The following SPAG9 variants were observed in gnomAD, a reference collection of about 807,000 sequenced individuals.
SPAG9 encodes the protein sperm associated antigen 9.
Under a neutral mutation model 166.5 loss-of-function variants are expected in SPAG9, and 35 were observed. The ratio of observed to expected loss-of-function variants is 0.21; its 90% CI spans 0.16 to 0.28. The LOEUF (loss-of-function observed/expected upper bound fraction) is 0.28, where lower values mean the gene tolerates loss of function less well. Among genes scored for constraint, SPAG9 ranks in the 10% least tolerant of loss-of-function variants. SPAG9 has a pLI of 1.00. For synonymous variants in SPAG9, 534 were observed against 565.5 expected (o/e 0.94, Z 0.79); for missense variants, 1,235 against 1,603.3 (o/e 0.77, Z 3.92).
chr17:51,013,929 C>T (rs1018256094), intron 9 of SPAG9, among the ~76,000 whole-genome samples: 1 of 149,540 alleles, frequency 6.7e-6, no homozygotes, highest in Non-Finnish European at 1.5e-5. Flanking sequence ...TACACACACA[C>T]ACATCACCAT....
At chr17:51,081,984 T>C (rs1265162683) in intron 1 of SPAG9, among the ~76,000 whole-genome samples, 3 of 152,170 alleles carry the variant, frequency 2.0e-5, no homozygotes, top group Non-Finnish European at 2.9e-5. Context: ...AATTCTCTTC[T>C]TCCAGATATC....
intron 22 of SPAG9, 94 bp downstream of exon 22, chr17:50,987,018 C>A (rs1187713136): frequency 7.0e-6 from 9 of 1,281,574 alleles, no homozygotes; most frequent in Non-Finnish European, 9.7e-6. Context: ...TTAATCCACA[C>A]TTTTTGTATT....
At chr17:51,095,705 TATATAGTGATATATAC>T (rs767831815) in intron 1 of SPAG9, among the ~76,000 whole-genome samples, 4,932 of 147,918 alleles carry the variant, frequency 0.033, 116 homozygotes, top group Middle Eastern at 0.11. Context: ...TATAGTGATA[TATATAGTGATATATAC>T]ATATAGTGAT....
At chr17:51,083,938 A>G (rs1299705728) in intron 1 of SPAG9, among the ~76,000 whole-genome samples, 1 of 152,124 alleles carries the variant, frequency 6.6e-6, no homozygotes, top group Non-Finnish European at 1.5e-5. Context: ...TCTTCGCTAT[A>G]CTTTTCTATG....
intron 8 of SPAG9, chr17:51,014,562 GT>G: frequency 2.2e-6 from 1 of 453,884 alleles, no homozygotes; most frequent in East Asian, 3.5e-5. Context: ...ATTATAGAAT[GT>G]TTTTGTTGTG....
At chr17:51,094,786 A>G (rs1347748007) in intron 1 of SPAG9, among the ~76,000 whole-genome samples, 1 of 152,198 alleles carries the variant, frequency 6.6e-6, no homozygotes, top group African/African-American at 2.4e-5. Flanking sequence ...TAAACTCTGG[A>G]TTCCCCAAGT....
At chr17:51,037,697 T>TA (rs1419734411) in intron 5 of SPAG9, among the ~76,000 whole-genome samples, 5 of 100,796 alleles carry the variant, frequency 5.0e-5, no homozygotes, top group Non-Finnish European at 1.1e-4. Flanking sequence ...TGTGTGTGTG[T>TA]GTGTGTGTGT....
At chr17:51,065,874 G>A (rs1244751897) in intron 2 of SPAG9, among the ~76,000 whole-genome samples, 1 of 152,124 alleles carries the variant, frequency 6.6e-6, no homozygotes, top group East Asian at 1.9e-4. Flanking sequence ...AAACTTAGAA[G>A]CTATAAAGGG....
intron 5 of SPAG9, among the ~76,000 whole-genome samples, chr17:51,034,363 G>C (rs2046502502): frequency 6.6e-6 from 1 of 152,164 alleles, no homozygotes; most frequent in South Asian, 2.1e-4. Context: ...CAAAAAATGT[G>C]CCAGAGCTCC....
rs1975106514 is a variant in SPAG9, at chr17:50,987,146, A to G, written c.2905T>C (p.Leu969=). ...REEAQKMSSL[L]PTMWLGAQNG... is the part of the protein sequence containing the mutation. Reference sequence around the variant, plus strand: ...TGAGCTCCAAGCCACATAGTTGGTAAAAGACTACTCATTTTCTGGGCTTCT... The same window carrying G: ...TGAGCTCCAAGCCACATAGTTGGTAGAAGACTACTCATTTTCTGGGCTTCT... Residue 969 remains leucine, a synonymous_variant, in exon 22 of 30, where the codon TTA becomes CTA. Coordinates refer to ENST00000262013, the MANE Select transcript of SPAG9 (RefSeq NM_001130528.3). 1 of 1,613,320 alleles carries G rather than the reference A, an allele frequency of 6.2e-7. No individual in the cohort carries two copies. Among genetic ancestry groups the G allele is most frequent in the African/African-American group, 1.3e-5 (1 of 74,844 alleles).
At chr17:51,119,009 G>C (rs942696742) in intron 1 of SPAG9, among the ~76,000 whole-genome samples, 1 of 147,020 alleles carries the variant, frequency 6.8e-6, no homozygotes, top group African/African-American at 2.5e-5. Flanking sequence ...ACTTCACCCT[G>C]GGCGACAGAG....
intron 2 of SPAG9, among the ~76,000 whole-genome samples, chr17:51,060,790 T>C (rs2047488190): frequency 6.6e-6 from 1 of 151,780 alleles, no homozygotes; most frequent in African/African-American, 2.4e-5. Flanking sequence ...TATTTTGTTA[T>C]GGCGGCCCTA....
chr17:51,065,951 A>C (rs1598115482), intron 2 of SPAG9, among the ~76,000 whole-genome samples: 1 of 152,234 alleles, frequency 6.6e-6, no homozygotes, highest in African/African-American at 2.4e-5. Context: ...AACTTTACGT[A>C]AGCAAGAAAT....
chr17:51,024,051 T>C (rs1015153167), intron 6 of SPAG9, among the ~76,000 whole-genome samples: 8 of 152,148 alleles, frequency 5.3e-5, no homozygotes, highest in Non-Finnish European at 1.2e-4. Flanking sequence ...ATCCCGACAT[T>C]TTGGGAGGCC....
intron 1 of SPAG9, among the ~76,000 whole-genome samples, chr17:51,079,986 C>T (rs1042610769): frequency 1.2e-4 from 19 of 152,308 alleles, no homozygotes; most frequent in African/African-American, 4.6e-4. Flanking sequence ...TGTATACTTG[C>T]ATATGCATCT....
intron 4 of SPAG9, chr17:51,046,616 G>A (rs757637525): frequency 2.5e-5 from 39 of 1,535,992 alleles, no homozygotes; most frequent in Non-Finnish European, 3.2e-5. Flanking sequence ...CCACCGCCCC[G>A]CCAACAAAGC....
intron 13 of SPAG9, 93 bp downstream of exon 13, chr17:51,001,622 G>C (rs1323313910): frequency 4.8e-6 from 6 of 1,238,826 alleles, no homozygotes; most frequent in Non-Finnish European, 5.6e-6. Context: ...AAGGGGCTTG[G>C]ATCTTACAGG....
At chr17:51,004,417 C>T (rs1429012481) in intron 12 of SPAG9, among the ~76,000 whole-genome samples, 1 of 152,152 alleles carries the variant, frequency 6.6e-6, no homozygotes, top group African/African-American at 2.4e-5. Context: ...TTTGGTCTGA[C>T]CTTTGACCTG....
chr17:51,098,422 A>T (rs1012581527), intron 1 of SPAG9, among the ~76,000 whole-genome samples: 2 of 151,362 alleles, frequency 1.3e-5, no homozygotes, highest in Non-Finnish European at 2.9e-5. Flanking sequence ...TTTTCCAAAC[A>T]CACAGGCCCT....
Sources: allele counts gnomAD v4.1 joint callset (sites outside exome capture counted in the v4.1 genomes callset), GRCh38; gene constraint gnomAD v4.1.1; transcripts MANE v1.5; gene names NCBI Gene and HGNC (gene_info 2026-07-23, HGNC 2026-07-21).